Variants in HHAT observed in about 807,000 individuals in gnomAD.
HHAT encodes the protein hedgehog acyltransferase.
In HHAT, 47 loss-of-function variants were observed where a neutral mutation model predicts 70.8. That is an observed-to-expected ratio of 0.66 (90% CI 0.53 to 0.85). The LOEUF is 0.85. Among genes scored for constraint, HHAT ranks in the 40% least tolerant of loss-of-function variants. The pLI is 0.00. For synonymous variants in HHAT, 228 were observed against 247.6 expected (o/e 0.92, Z 0.74); for missense variants, 609 against 604.8 (o/e 1.01, Z -0.07).
intron 4 of HHAT, among the ~76,000 whole-genome samples, chr1:210,391,354 A>G (rs1254064276): frequency 6.6e-6 from 1 of 152,220 alleles, no homozygotes; most frequent in Non-Finnish European, 1.5e-5. Context: ...TAGAATATTG[A>G]TGTTGGCACA....
At chr1:210,653,155 A>G (rs2148938991) in intron 11 of HHAT, among the ~76,000 whole-genome samples, 1 of 152,006 alleles carries the variant, frequency 6.6e-6, no homozygotes, top group East Asian at 1.9e-4. Flanking sequence ...ACATACATAC[A>G]TGGGACAATT....
intron 10 of HHAT, among the ~76,000 whole-genome samples, chr1:210,599,315 G>C (rs1663712126): frequency 6.6e-6 from 1 of 152,144 alleles, no homozygotes; most frequent in Non-Finnish European, 1.5e-5. Flanking sequence ...AAAGGTTAAA[G>C]GCATATAGTG....
At chr1:210,347,535 T>C (rs940174450) in intron 1 of HHAT, among the ~76,000 whole-genome samples, 2 of 152,270 alleles carry the variant, frequency 1.3e-5, no homozygotes, top group African/African-American at 2.4e-5. Context: ...TAAATGCGTT[T>C]AAATTTAGTG....
At chr1:210,352,217 A>G (rs1429631045) in intron 2 of HHAT, among the ~76,000 whole-genome samples, 2 of 152,122 alleles carry the variant, frequency 1.3e-5, no homozygotes, top group Admixed American at 1.3e-4. Context: ...ACCACCTCCT[A>G]GCCTGAAGCT....
intron 9 of HHAT, among the ~76,000 whole-genome samples, chr1:210,586,627 T>C (rs1660507358): frequency 5.9e-5 from 9 of 152,188 alleles, no homozygotes; most frequent in Admixed American, 5.9e-4. Context: ...CTTTAAAGAA[T>C]CAAAGTGGTA....
At chr1:210,370,420 A>C (rs1419924525) in intron 3 of HHAT, among the ~76,000 whole-genome samples, 1 of 151,316 alleles carries the variant, frequency 6.6e-6, no homozygotes, top group Non-Finnish European at 1.5e-5. Flanking sequence ...TGATCCACCC[A>C]TCTTGGCCTC....
chr1:210,386,222 C>CTTTTTTCTTTTTTTTTTTTTTT (rs1558409107), intron 3 of HHAT, among the ~76,000 whole-genome samples: 4 of 69,890 alleles, frequency 5.7e-5, no homozygotes, highest in African/African-American at 2.1e-4. Context: ...GAGTCCTTTT[C>CTTTTTTCTTTTTTTTTTTTTTT]TTTTTTTCTT....
At chr1:210,515,715 G>GC in intron 9 of HHAT, among the ~76,000 whole-genome samples, 1 of 136,386 alleles carries the variant, frequency 7.3e-6, no homozygotes, top group East Asian at 2.2e-4. Context: ...CTGAGATTGC[G>GC]CCACTGCACT....
chr1:210,447,078 T>C (rs2093650285), intron 7 of HHAT, among the ~76,000 whole-genome samples: 1 of 152,236 alleles, frequency 6.6e-6, no homozygotes, highest in African/African-American at 2.4e-5. Context: ...GTATCCTCAA[T>C]AGACTCATTT....
chr1:210,448,162 A>G (rs1008006591), intron 7 of HHAT, among the ~76,000 whole-genome samples: 1 of 151,258 alleles, frequency 6.6e-6, no homozygotes, highest in Non-Finnish European at 1.5e-5. Flanking sequence ...ACTCACTGCA[A>G]CCTCTGCCTT....
At chr1:210,602,058 G>A (rs994088177) in intron 10 of HHAT, among the ~76,000 whole-genome samples, 2 of 151,948 alleles carry the variant, frequency 1.3e-5, no homozygotes, top group South Asian at 2.1e-4. Flanking sequence ...GTTGGATCGA[G>A]GGGGAGCTGA....
chr1:210,605,593 A>G (rs1208742586), intron 10 of HHAT, among the ~76,000 whole-genome samples: 2 of 152,254 alleles, frequency 1.3e-5, no homozygotes, highest in Non-Finnish European at 1.5e-5. Context: ...TGATGTTAAC[A>G]GTAGCCTTAT....
intron 7 of HHAT, among the ~76,000 whole-genome samples, chr1:210,463,958 C>T (rs528798783): frequency 6.6e-6 from 1 of 152,156 alleles, no homozygotes; most frequent in Non-Finnish European, 1.5e-5. Flanking sequence ...GCATACGATG[C>T]ATAATAATTG....
intron 11 of HHAT, among the ~76,000 whole-genome samples, chr1:210,628,318 T>A (rs1421350182): frequency 1.3e-5 from 2 of 150,644 alleles, no homozygotes; most frequent in Non-Finnish European, 3.0e-5. Flanking sequence ...CCATGGACTT[T>A]GTTTAAAAAA....
At chr1:210,381,780 A>C (rs939585435) in intron 3 of HHAT, among the ~76,000 whole-genome samples, 1 of 152,210 alleles carries the variant, frequency 6.6e-6, no homozygotes, top group Non-Finnish European at 1.5e-5. Flanking sequence ...AAATCCAAAA[A>C]GACTCCAAAA....
intron 9 of HHAT, among the ~76,000 whole-genome samples, chr1:210,580,757 G>A (rs1413548022): frequency 1.3e-5 from 2 of 150,862 alleles, no homozygotes; most frequent in Non-Finnish European, 3.0e-5. Flanking sequence ...CCAAGTCTTT[G>A]CTATTGTGAA....
chr1:210,614,196 C>G (rs1048366313), intron 10 of HHAT, among the ~76,000 whole-genome samples: 5 of 151,886 alleles, frequency 3.3e-5, no homozygotes, highest in African/African-American at 1.2e-4. Flanking sequence ...GAATTGCTTT[C>G]TTAATTTCCT....
At chr1:210,386,074 G>C (rs991389691) in intron 3 of HHAT, among the ~76,000 whole-genome samples, 1 of 151,858 alleles carries the variant, frequency 6.6e-6, no homozygotes, top group South Asian at 2.1e-4. Flanking sequence ...AGTTTTATTT[G>C]TGTGCAACTG....
chr1:210,563,248 C>G (rs2095640467), intron 9 of HHAT, among the ~76,000 whole-genome samples: 1 of 151,992 alleles, frequency 6.6e-6, no homozygotes, highest in East Asian at 1.9e-4. Flanking sequence ...CTGTGGGGTC[C>G]AAATATAGCT....
Sources: allele counts gnomAD v4.1 joint callset (sites outside exome capture counted in the v4.1 genomes callset), GRCh38; gene constraint gnomAD v4.1.1; transcripts MANE v1.5; gene names NCBI Gene and HGNC (gene_info 2026-07-23, HGNC 2026-07-21).